The following UVRAG variants were observed in gnomAD, a reference collection of about 807,000 sequenced individuals.
UVRAG encodes UV radiation resistance associated, also known as UV radiation resistance-associated gene protein.
UVRAG carries 19 observed loss-of-function variants against 78.0 expected under a neutral mutation model. That is an observed-to-expected ratio of 0.24 (90% CI 0.17 to 0.36). UVRAG has a LOEUF of 0.36. Ranked by LOEUF, UVRAG falls within the 10% of genes least tolerant of loss-of-function variation. The probability of loss-of-function intolerance (pLI) is 1.00; values close to 1 mark genes in which losing one functional copy is unlikely to be tolerated. For synonymous variants in UVRAG, 323 were observed against 324.6 expected, an observed-to-expected ratio of 1.00 and a Z score of 0.05; for missense variants, 740 against 853.8, an observed-to-expected ratio of 0.87 and a Z score of 1.66.
At chr11:76,106,846 A>G (rs1220093708) in intron 13 of UVRAG, among the ~76,000 whole-genome samples, 1 of 152,150 alleles carries the variant, frequency 6.6e-6, no homozygotes, top group Admixed American at 6.6e-5. Flanking sequence ...AACAGCATGA[A>G]TATCTACATT....
chr11:76,112,227 A>T (rs1470855627), intron 13 of UVRAG, among the ~76,000 whole-genome samples: 2 of 152,210 alleles, frequency 1.3e-5, no homozygotes, highest in East Asian at 3.8e-4. Flanking sequence ...AAGGATCAGG[A>T]ACCAGCATGT....
intron 5 of UVRAG, among the ~76,000 whole-genome samples, chr11:75,906,344 TTTTG>T (rs915005661): frequency 3.9e-5 from 6 of 151,944 alleles, no homozygotes; most frequent in African/African-American, 7.3e-5. Context: ...TAGTGGGTTT[TTTTG>T]TTTGTTTGTT....
chr11:75,962,538 A>G (rs1948929021), intron 7 of UVRAG, among the ~76,000 whole-genome samples: 1 of 152,182 alleles, frequency 6.6e-6, no homozygotes, highest in Non-Finnish European at 1.5e-5. Context: ...GGTAGCAAAC[A>G]TACAAAATAG....
rs1273935116 is a variant in UVRAG at position 76,098,704 on chromosome 11, AT to A, written c.1306-17219del. Among the ~76,000 whole-genome samples, 10 of 152,278 alleles carry A rather than the reference AT, an allele frequency of 6.6e-5. No individual in the cohort carries two copies. In the East Asian group the frequency reaches 1.5e-3, roughly 23 times the overall value. On this transcript the variant is annotated intron_variant, in intron 13 of 14. Transcript: ENST00000356136. The stretch of plus-strand genomic sequence containing the variant: ...GAATAGCACAAAGAGTAATATTTAA[AT>A]ACCAAATGGAGCCCTCATTTACCAG...
At chr11:75,929,704 G>A (rs569261514) in intron 6 of UVRAG, among the ~76,000 whole-genome samples, 50 of 152,282 alleles carry the variant, frequency 3.3e-4, no homozygotes, top group African/African-American at 1.2e-3. Context: ...GGGGGACAGG[G>A]ACTCTAGTTT....
At chr11:75,967,603 C>T (rs11236588) in intron 7 of UVRAG, among the ~76,000 whole-genome samples, 36,254 of 151,878 alleles carry the variant, frequency 0.24, 5,958 homozygotes, top group East Asian at 0.45. Flanking sequence ...CTCTTTGTAC[C>T]CTTAAAAATC....
chr11:75,925,285 A>C (rs1258366532), intron 6 of UVRAG, among the ~76,000 whole-genome samples: 1 of 152,076 alleles, frequency 6.6e-6, no homozygotes, highest in African/African-American at 2.4e-5. Flanking sequence ...CCCACCCATA[A>C]CTTGATTTTT....
chr11:76,064,964 G>C (rs1450943104), intron 12 of UVRAG, among the ~76,000 whole-genome samples: 1 of 152,156 alleles, frequency 6.6e-6, no homozygotes, highest in Non-Finnish European at 1.5e-5. Context: ...TTAAGAATCA[G>C]AAAACAATGA....
chr11:75,827,629 C>G (rs1193476254), intron 1 of UVRAG, among the ~76,000 whole-genome samples: 3 of 151,918 alleles, frequency 2.0e-5, no homozygotes, highest in African/African-American at 7.3e-5. Context: ...AACAAACAAA[C>G]AAACAAAAAA....
At chr11:76,122,468 T>C (rs1952301830) in intron 14 of UVRAG, among the ~76,000 whole-genome samples, 1 of 152,220 alleles carries the variant, frequency 6.6e-6, no homozygotes, top group Non-Finnish European at 1.5e-5. Context: ...TAGTGCGTAC[T>C]TAATAGTGTG....
At chr11:75,914,237 G>A (rs899806449) in intron 6 of UVRAG, 4 of 152,176 alleles carry the variant, frequency 2.6e-5, no homozygotes, top group African/African-American at 9.7e-5. Flanking sequence ...CATGATATAT[G>A]TGAAGTGCTT....
chr11:76,067,640 C>T (rs180909012), intron 13 of UVRAG, among the ~76,000 whole-genome samples: 133 of 152,168 alleles, frequency 8.7e-4, no homozygotes, highest in Non-Finnish European at 1.4e-3. Context: ...CACCTGTAAT[C>T]CCAGCTACTG....
In UVRAG at chr11:75,961,460, T is replaced by G; in HGVS notation, c.610T>G (p.Cys204Gly). Residue 204 changes from cysteine to glycine, a missense_variant, in exon 7 of 15, where the codon TGT (cysteine) becomes GGT (glycine). Transcript: ENST00000356136. ...FSLLRLHRAQ[C>G]AIKQTQVTVQ... ...TATTTCTAGGCTTCATAGAGCCCAG[T>G]GTGCAATTAAACAGACTCAGGTAAC... The G allele has an allele frequency of 6.3e-7, 1 of 1,597,712 alleles. No homozygotes were observed. The highest frequency in any genetic ancestry group is 8.5e-7 in the Non-Finnish European group (1 of 1,176,346).
chr11:75,852,289 G>A (rs949553304), intron 2 of UVRAG, among the ~76,000 whole-genome samples: 1 of 152,072 alleles, frequency 6.6e-6, no homozygotes, highest in South Asian at 2.1e-4. Flanking sequence ...CCAGTATCCT[G>A]TAGTAATTTT....
intron 2 of UVRAG, among the ~76,000 whole-genome samples, chr11:75,856,137 C>G (rs1946284475): frequency 6.6e-6 from 1 of 150,920 alleles, no homozygotes; most frequent in East Asian, 2.0e-4. Flanking sequence ...CTACAGGCAT[C>G]CGCCACCACG....
At chr11:76,072,800 A>T (rs1331231665) in intron 13 of UVRAG, among the ~76,000 whole-genome samples, 6 of 152,234 alleles carry the variant, frequency 3.9e-5, no homozygotes, top group African/African-American at 1.4e-4. Flanking sequence ...ATAGTTTCAC[A>T]TGAGTGTGCC....
intron 7 of UVRAG, 53 bp from the exon 8 acceptor site, chr11:75,983,334 T>C: frequency 1.4e-6 from 2 of 1,443,900 alleles, no homozygotes; most frequent in African/African-American, 1.4e-5. Flanking sequence ...ATGTAATTAT[T>C]CATAGTCATG....
At chr11:76,036,457 G>A (rs533626730) in intron 12 of UVRAG, among the ~76,000 whole-genome samples, 2 of 152,186 alleles carry the variant, frequency 1.3e-5, no homozygotes, top group East Asian at 3.9e-4. Context: ...AGGATCACTT[G>A]AGCCCAGGAG....
intron 3 of UVRAG, among the ~76,000 whole-genome samples, chr11:75,872,370 A>G (rs1946670434): frequency 1.4e-5 from 2 of 148,040 alleles, no homozygotes; most frequent in Admixed American, 6.9e-5. Flanking sequence ...TTCCTCGTAT[A>G]CAAAAGTGAT....
Sources: allele counts gnomAD v4.1 joint callset (sites outside exome capture counted in the v4.1 genomes callset), GRCh38; gene constraint gnomAD v4.1.1; transcripts MANE v1.5; gene names NCBI Gene and HGNC (gene_info 2026-07-23, HGNC 2026-07-21).